Variants in ECT2L observed in about 807,000 individuals in gnomAD.
The protein encoded by ECT2L is epithelial cell transforming 2 like, also known as epithelial cell-transforming sequence 2 oncogene-like.
A neutral mutation model predicts 122.8 loss-of-function variants in ECT2L; 126 were observed. The observed-to-expected ratio is 1.03, with a 90% CI of 0.89 to 1.19. The LOEUF (loss-of-function observed/expected upper bound fraction) is 1.19, where lower values mean the gene tolerates loss of function less well. Ranked by LOEUF, ECT2L falls within the 50% of genes most tolerant of loss-of-function variation. The pLI is 0.00. For synonymous variants in ECT2L, 385 were observed against 381.8 expected, an observed-to-expected ratio of 1.01 and a Z score of -0.10; for missense variants, 1,012 against 1,064.1, an observed-to-expected ratio of 0.95 and a Z score of 0.68.
intron 16 of ECT2L, among the ~76,000 whole-genome samples, chr6:138,884,710 C>T (rs373096205): frequency 6.6e-5 from 10 of 151,952 alleles, no homozygotes; most frequent in South Asian, 2.1e-4. Flanking sequence ...CTATGGAAAA[C>T]GTAATTAACA....
intron 5 of ECT2L, among the ~76,000 whole-genome samples, chr6:138,839,358 C>T (rs1776960622): frequency 7.2e-6 from 1 of 138,422 alleles, no homozygotes; most frequent in Non-Finnish European, 1.5e-5. Flanking sequence ...TGTAACTAAA[C>T]ACATACTTTT....
Position 138,885,770 on chromosome 6 carries a change from C to T in ECT2L, c.2199C>T (p.Asp733=), listed in dbSNP as rs761829841. 1 of 1,614,136 alleles carries T rather than the reference C, an allele frequency of 6.2e-7. No individual in the cohort carries two copies. Among genetic ancestry groups the T allele is most frequent in the Non-Finnish European group, 8.5e-7 (1 of 1,180,026 alleles). The change falls in exon 18 of 22, where the codon GAC becomes GAT. Residue 733 remains aspartate (D), a synonymous_variant. Coordinates refer to ENST00000541398, the MANE Select transcript of ECT2L (RefSeq NM_001077706.3). The part of the protein sequence containing the change: ...VRLHTPAEHV[D]RGDLTTAIDQ... ...TTCATACCCCTGCAGAGCATGTTGA[C>T]CGTGGGGACTTGACCACTGCAATTG...
chr6:138,869,303 T>C (rs190893514), intron 13 of ECT2L, among the ~76,000 whole-genome samples: 1 of 151,846 alleles, frequency 6.6e-6, no homozygotes, highest in Admixed American at 6.6e-5. Flanking sequence ...TCAAGGAGAG[T>C]CTCAAATCTT....
At chr6:138,873,914 G>GTGTGTGTGTA (rs1778353467) in intron 13 of ECT2L, among the ~76,000 whole-genome samples, 2 of 149,170 alleles carry the variant, frequency 1.3e-5, no homozygotes, top group African/African-American at 5.1e-5. Flanking sequence ...GTGTGTGTGT[G>GTGTGTGTGTA]TCCATCCATG....
chr6:138,867,655 C>CAAA (rs71009601), intron 12 of ECT2L, among the ~76,000 whole-genome samples: 54 of 114,076 alleles, frequency 4.7e-4, no homozygotes, highest in East Asian at 1.3e-3. Flanking sequence ...CCTAAAACTA[C>CAAA]AAAAAAAAAA....
At chr6:138,806,424 T>C (rs1034136389) in intron 1 of ECT2L, among the ~76,000 whole-genome samples, 3 of 152,026 alleles carry the variant, frequency 2.0e-5, no homozygotes, top group Non-Finnish European at 4.4e-5. Context: ...ACAAGGACTT[T>C]AAGATTCTTT....
At chr6:138,874,911 C>A (rs79393951) in intron 13 of ECT2L, among the ~76,000 whole-genome samples, 7,428 of 152,102 alleles carry the variant, frequency 0.049, 266 homozygotes, top group Middle Eastern at 0.11. Flanking sequence ...CATAGTGAGA[C>A]CTTGTCTCTA....
chr6:138,842,599 G>C (rs1312368517), intron 5 of ECT2L, among the ~76,000 whole-genome samples: 1 of 151,986 alleles, frequency 6.6e-6, no homozygotes, highest in Admixed American at 6.6e-5. Context: ...GTGAAACCTC[G>C]TCTCTACTAA....
At chr6:138,796,786 G>A (rs1775360711) in intron 1 of ECT2L, among the ~76,000 whole-genome samples, 1 of 152,194 alleles carries the variant, frequency 6.6e-6, no homozygotes. Flanking sequence ...CTTTGCATAT[G>A]TATCAGAACA....
chr6:138,861,439 G>C (rs1025161969), intron 10 of ECT2L, among the ~76,000 whole-genome samples: 3 of 152,120 alleles, frequency 2.0e-5, no homozygotes, highest in African/African-American at 4.8e-5. Flanking sequence ...GCGTGAGATG[G>C]TATCTCATTG....
intron 4 of ECT2L, among the ~76,000 whole-genome samples, chr6:138,828,135 C>G (rs1776518764): frequency 1.3e-5 from 2 of 152,052 alleles, no homozygotes; most frequent in African/African-American, 4.8e-5. Flanking sequence ...TTATAAAGGA[C>G]TATTTTTAAA....
intron 20 of ECT2L, among the ~76,000 whole-genome samples, chr6:138,894,198 A>G (rs1042064104): frequency 3.3e-5 from 5 of 152,174 alleles, no homozygotes; most frequent in African/African-American, 1.2e-4. Flanking sequence ...CTGGGATTAC[A>G]GGCACACGCC....
chr6:138,812,574 C>T (rs546097588), intron 1 of ECT2L, among the ~76,000 whole-genome samples: 76 of 152,228 alleles, frequency 5.0e-4, no homozygotes, highest in Non-Finnish European at 7.8e-4. Flanking sequence ...GAGGCTGAGG[C>T]GGGCAGATCA....
At chr6:138,842,263 G>A (rs1023721912) in intron 5 of ECT2L, among the ~76,000 whole-genome samples, 5 of 151,072 alleles carry the variant, frequency 3.3e-5, no homozygotes, top group South Asian at 2.1e-4. Flanking sequence ...GTTCCAGACC[G>A]GCCTGGCCAA....
At chr6:138,879,544 A>C (rs1778577064) in intron 14 of ECT2L, 1 of 152,234 alleles carries the variant, frequency 6.6e-6, no homozygotes, top group Non-Finnish European at 1.5e-5. Flanking sequence ...AAAAGAAAAA[A>C]ATTATCTAGT....
At chr6:138,869,579 A>C (rs943538016) in intron 13 of ECT2L, among the ~76,000 whole-genome samples, 2 of 152,186 alleles carry the variant, frequency 1.3e-5, no homozygotes, top group African/African-American at 4.8e-5. Context: ...TTGCTGATAA[A>C]ATGAGCAGGG....
chr6:138,866,517 C>T (rs1778045410), intron 12 of ECT2L, among the ~76,000 whole-genome samples: 1 of 151,412 alleles, frequency 6.6e-6, no homozygotes, highest in Non-Finnish European at 1.5e-5. Flanking sequence ...TCCCAAAGTG[C>T]TAGGATTACA....
chr6:138,830,838 C>T (rs1776625868), intron 4 of ECT2L, among the ~76,000 whole-genome samples: 1 of 152,106 alleles, frequency 6.6e-6, no homozygotes, highest in Non-Finnish European at 1.5e-5. Context: ...ACTCTGTGCT[C>T]TCTGTGTAGA....
intron 1 of ECT2L, among the ~76,000 whole-genome samples, chr6:138,799,932 G>A (rs532284740): frequency 1.3e-5 from 2 of 152,308 alleles, no homozygotes; most frequent in East Asian, 3.9e-4. Flanking sequence ...GCCAGTGTAT[G>A]GGGGAAGAGA....
Sources: gnomAD v4.1 joint callset for allele counts (sites outside exome capture counted in the v4.1 genomes callset) on GRCh38, gnomAD v4.1.1 for gene constraint, MANE v1.5 for transcripts, NCBI Gene and HGNC (gene_info 2026-07-23, HGNC 2026-07-21) for gene names.